STK3: variants seen among roughly 807,000 people sequenced by gnomAD.
STK3 encodes the protein serine/threonine-protein kinase 3.
In STK3, 41 loss-of-function variants were observed where a neutral mutation model predicts 58.0. The ratio of observed to expected loss-of-function variants is 0.71; its 90% CI spans 0.55 to 0.92. The LOEUF (loss-of-function observed/expected upper bound fraction) is 0.92. STK3 is among the 40% of genes least tolerant of loss of function. STK3 has a pLI of 0.00. For missense variants in STK3, 479 were observed against 602.7 expected (o/e 0.79, Z 2.15); for synonymous variants, 170 against 191.0 (o/e 0.89, Z 0.91).
intron 1 of STK3, among the ~76,000 whole-genome samples, chr8:98,383,967 T>C (rs1050617840): frequency 1.3e-5 from 2 of 152,164 alleles, no homozygotes; most frequent in African/African-American, 4.8e-5. Flanking sequence ...CTCCCACATA[T>C]CCAGGTGAGA....
intron 4 of STK3, among the ~76,000 whole-genome samples, chr8:98,744,838 C>G (rs1026631896): frequency 3.3e-5 from 5 of 151,288 alleles, no homozygotes; most frequent in African/African-American, 1.2e-4. Context: ...TTTAGTAGGA[C>G]AGGCTTATAA....
chr8:98,705,085 A>G (rs1825873666), intron 6 of STK3, among the ~76,000 whole-genome samples: 7 of 152,216 alleles, frequency 4.6e-5, no homozygotes, highest in Admixed American at 4.6e-4. Context: ...TACCAAAAGG[A>G]ATTTATATAC....
In STK3 at chr8:98,526,196, T is replaced by C. The variant is rs1266003762; in HGVS notation, c.1317+546A>G. On this transcript the variant is annotated intron_variant, in intron 10 of 10. Transcript: ENST00000419617. The stretch of plus-strand genomic sequence containing the variant: ...GTAAGAAGAACCAGGGTAGAAGAAA[T>C]AATGAGAAAATGTAACAAAATAGGT... Among the ~76,000 whole-genome samples the C allele has an allele frequency of 2.6e-5, 4 of 151,906 alleles. No individual in the cohort carries two copies. In the South Asian group the frequency reaches 6.2e-4, roughly 24 times the overall value.
chr8:98,904,241 A>G (rs73279716), intron 1 of STK3, among the ~76,000 whole-genome samples: 2,828 of 152,276 alleles, frequency 0.019, 82 homozygotes, highest in African/African-American at 0.065. Flanking sequence ...TTGAAAGAGA[A>G]AGGAGATGCT....
chr8:98,472,976 T>C lies in STK3; in HGVS notation c.1318-16976A>G, dbSNP rs180868935. ...TATGAGATTAAGATCAATGATTACA[T>C]AAAGCACTCAGCATTTTTGTAATTA... On this transcript the variant is annotated intron_variant, in intron 10 of 10. Transcript: ENST00000419617. 1.3e-4 allele frequency among the ~76,000 whole-genome samples: 20 copies of C among 152,266 alleles called. No individual in the cohort carries two copies. The East Asian group carries it at 3.5e-3, about 26-fold the overall frequency.
chr8:98,542,765 G>T (rs942297446), intron 9 of STK3, among the ~76,000 whole-genome samples: 1 of 152,150 alleles, frequency 6.6e-6, no homozygotes, highest in African/African-American at 2.4e-5. Flanking sequence ...TTAAAACACT[G>T]CTAGGCATGT....
chr8:98,407,104 T>C (rs1172828490), intron 3 of STK3, among the ~76,000 whole-genome samples: 1 of 152,158 alleles, frequency 6.6e-6, no homozygotes, highest in Admixed American at 6.5e-5. Context: ...GAGGGATAAA[T>C]AAGAGATGTT....
At chr8:98,911,433 A>G (rs1316678520) in intron 1 of STK3, among the ~76,000 whole-genome samples, 1 of 152,060 alleles carries the variant, frequency 6.6e-6, no homozygotes, top group Non-Finnish European at 1.5e-5. Flanking sequence ...TTGCTCTGTT[A>G]CCCAGGCTAT....
rs180842456 is a variant in STK3, at chr8:98,557,286, C to T, written c.949-9125G>A. The stretch of plus-strand genomic sequence containing the variant: ...GCAAAAATCAAAGGGTACTATCGTA[C>T]ATTTGCTTGTATGTCTCGAATCATG... On this transcript the variant is annotated intron_variant, in intron 8 of 10. Transcript: ENST00000419617. 1.9e-3 allele frequency among the ~76,000 whole-genome samples: 282 copies of T among 152,172 alleles called. 2 individuals carry two copies. Among genetic ancestry groups the T allele is most frequent in the African/African-American group, 6.5e-3 (271 of 41,544 alleles).
intron 10 of STK3, among the ~76,000 whole-genome samples, chr8:98,518,208 G>A (rs765182541): frequency 1.3e-5 from 2 of 151,950 alleles, no homozygotes; most frequent in African/African-American, 4.8e-5. Context: ...AATCCAATAA[G>A]TACAGGCCTG....
rs189977809 is a variant in STK3 at position 98,774,169 on chromosome 8, A to G, written c.107+570T>C. 5.7e-4 allele frequency among the ~76,000 whole-genome samples: 87 copies of G among 152,006 alleles called. 1 individual carries two copies. Among genetic ancestry groups the G allele is most frequent in the African/African-American group, 1.8e-3 (73 of 41,456 alleles). ...CTTGCTGATCTATAAGCTTCTTTTA[A>G]TTCTGTTTTGTACCTTTATTATTTT... On this transcript the variant is annotated intron_variant, in intron 2 of 10. Coordinates refer to ENST00000419617, the MANE Select transcript of STK3 (RefSeq NM_006281.4).
At chr8:98,355,589 C>T in the STK3 span, among the ~76,000 whole-genome samples, 1 of 152,200 alleles carries the variant, frequency 6.6e-6, no homozygotes, top group African/African-American at 2.4e-5. Context: ...ACTGGGCAGA[C>T]ACCCCAAGAG....
chr8:98,557,707 G>C (rs966266094), intron 8 of STK3, among the ~76,000 whole-genome samples: 1 of 152,100 alleles, frequency 6.6e-6, no homozygotes, highest in African/African-American at 2.4e-5. Flanking sequence ...TCTCACTGCT[G>C]TAAGTAGGTG....
intron 10 of STK3, among the ~76,000 whole-genome samples, chr8:98,508,709 G>A (rs114837882): frequency 0.012 from 1,831 of 151,964 alleles, 35 homozygotes; most frequent in African/African-American, 0.041. Context: ...GATTGCTTAA[G>A]AAATAAAACA....
rs573872888 is a variant in STK3, at chr8:98,887,129, A to G, written c.-78-3295T>C. 1.1e-4 allele frequency among the ~76,000 whole-genome samples: 16 copies of G among 152,306 alleles called. No individual in the cohort carries two copies. In the East Asian group the frequency reaches 2.7e-3, roughly 26 times the overall value. On this transcript the variant is annotated intron_variant, in intron 1 of 1. Transcript: ENST00000519420. ...GAAAAAAAGAAATCATCATTTGGTT[A>G]CTTATAATACCTAATACAATGCAAA...
At chr8:98,424,259 G>C (rs1054395966) in intron 3 of STK3, among the ~76,000 whole-genome samples, 1 of 152,250 alleles carries the variant, frequency 6.6e-6, no homozygotes, top group African/African-American at 2.4e-5. Context: ...CAGGCTCCAA[G>C]TTCACTCTGC....
chr8:98,579,049 G>C (rs1277885952), intron 8 of STK3, among the ~76,000 whole-genome samples: 1 of 152,084 alleles, frequency 6.6e-6, no homozygotes, highest in African/African-American at 2.4e-5. Flanking sequence ...TACTCATGAG[G>C]CTGAGGCAGG....
the STK3 span, among the ~76,000 whole-genome samples, chr8:98,358,677 C>T: frequency 2.6e-5 from 4 of 151,978 alleles, no homozygotes; most frequent in Non-Finnish European, 4.4e-5. Context: ...TGTGTTGACT[C>T]AGAGGAAAGG....
chr8:98,685,969 G>A (rs1439166598), intron 6 of STK3, among the ~76,000 whole-genome samples: 1 of 152,146 alleles, frequency 6.6e-6, no homozygotes, highest in Non-Finnish European at 1.5e-5. Flanking sequence ...ATGATCTTAT[G>A]TAATTTGAGA....
Sources: gnomAD v4.1 joint callset for allele counts (sites outside exome capture counted in the v4.1 genomes callset) on GRCh38, gnomAD v4.1.1 for gene constraint, MANE v1.5 for transcripts, NCBI Gene and HGNC (gene_info 2026-07-23, HGNC 2026-07-21) for gene names.